BPNT2: variants seen among roughly 807,000 people sequenced by gnomAD.
BPNT2 encodes 3'(2'), 5'-bisphosphate nucleotidase 2.
A neutral mutation model predicts 29.3 loss-of-function variants in BPNT2; 11 were observed. The ratio of observed to expected loss-of-function variants is 0.38; its 90% CI spans 0.24 to 0.62. The LOEUF is 0.62. BPNT2 is among the 20% of genes least tolerant of loss of function. The pLI, the probability that BPNT2 is intolerant of heterozygous loss-of-function variation, is 0.62. For missense variants in BPNT2, 459 were observed against 473.4 expected (o/e 0.97, Z 0.28); for synonymous variants, 195 against 187.7 (o/e 1.04, Z -0.32).
chr8:56,960,464 G>C lies in BPNT2; in HGVS notation c.*3329C>G, dbSNP rs1449398536. 2.0e-5 allele frequency: 3 copies of C among 152,032 alleles called. No individual in the cohort carries two copies. Among genetic ancestry groups the C allele is most frequent in the Non-Finnish European group, 4.4e-5 (3 of 68,010 alleles). The allele number at this position is 152,032 out of a possible 1,614,324, so 9.4% of individuals were successfully genotyped here. On this transcript the variant is annotated 3_prime_UTR_variant, in exon 5 of 5. Transcript: ENST00000262644. Reference sequence around the variant, plus strand: ...CAAAGGGAGCACCTAACAAACAAGAGGAATTTGCACAACTGTTACTTAAAA... The same window carrying C: ...CAAAGGGAGCACCTAACAAACAAGACGAATTTGCACAACTGTTACTTAAAA...
chr8:56,993,048 T>G (rs1806444740), intron 1 of BPNT2, 151 bp downstream of exon 1: 7 of 1,490,876 alleles, frequency 4.7e-6, no homozygotes, highest in Non-Finnish European at 6.3e-6. Flanking sequence ...GCTCCTCTGC[T>G]GTCTGTCTGA....
intron 3 of BPNT2, among the ~76,000 whole-genome samples, chr8:56,976,452 A>G (rs963512736): frequency 2.6e-5 from 4 of 152,244 alleles, no homozygotes; most frequent in Non-Finnish European, 5.9e-5. Flanking sequence ...AAGGTAATCC[A>G]TAAGCCATAA....
At chr8:56,970,369 G>A (rs1315167074) in intron 3 of BPNT2, among the ~76,000 whole-genome samples, 1 of 152,074 alleles carries the variant, frequency 6.6e-6, no homozygotes, top group South Asian at 2.1e-4. Flanking sequence ...TTTATAAGAG[G>A]ATATAAAAAT....
At position 56,966,449 on chromosome 8, in the gene BPNT2, T is replaced by C. The variant is rs376051298; in HGVS notation, c.647-97A>G. On this transcript the variant is annotated intron_variant, in intron 3 of 4. Transcript: ENST00000262644. ...AAAGTGCTATGTATGACTGACAAAA[T>C]AGCTCTCTTCTAAAAAATTATTTGT... 63 of 1,029,298 alleles carry C rather than the reference T, an allele frequency of 6.1e-5. 1 individual carries two copies. The East Asian group carries it at 9.8e-4, about 16-fold the overall frequency. 63.8% of individuals were successfully genotyped at this position (1,029,298 alleles called of 1,614,324 possible).
intron 1 of BPNT2, among the ~76,000 whole-genome samples, chr8:56,992,285 A>ACTC (rs1431149569): frequency 6.6e-6 from 1 of 152,178 alleles, no homozygotes; most frequent in Non-Finnish European, 1.5e-5. Flanking sequence ...CAGTAGCCAA[A>ACTC]ACTACAGTTA....
rs963032684 is a variant in BPNT2 at position 56,960,972 on chromosome 8, G to A, written c.*2821C>T. The A allele has an allele frequency of 6.6e-6, 1 of 152,112 alleles. No homozygotes were observed. The highest frequency in any genetic ancestry group is 1.5e-5 in the Non-Finnish European group (1 of 68,026). 9.4% of individuals were successfully genotyped at this position (152,112 alleles called of 1,614,324 possible). Reference sequence around the variant, plus strand: ...TATCTAAAAGAATTTGGGAGTGAGAGTTGTGAGGGAAGTATCCTGGCTAAG... The same window carrying A: ...TATCTAAAAGAATTTGGGAGTGAGAATTGTGAGGGAAGTATCCTGGCTAAG... On this transcript the variant is annotated 3_prime_UTR_variant, in exon 5 of 5. Transcript: ENST00000262644.
In BPNT2 at chr8:56,993,460, G is replaced by A; in HGVS notation, c.126C>T (p.Gly42=). 6.7e-7 allele frequency: 1 copy of A among 1,487,552 alleles called. No individual in the cohort carries two copies. 92.1% of individuals were successfully genotyped at this position (1,487,552 alleles called of 1,614,324 possible). ...LAGRFSLFGL[G]GEPGGGAAGP... The stretch of plus-strand genomic sequence containing the variant: ...CCGCCGCGCCGCCGCCAGGCTCGCC[G>A]CCCAGGCCGAAGAGGCTGAAGCGGC... The change falls in exon 1 of 5, where the codon GGC becomes GGT. Residue 42 remains glycine (G), a synonymous_variant. Transcript: ENST00000262644.
intron 3 of BPNT2, among the ~76,000 whole-genome samples, chr8:56,974,334 T>C (rs1281943450): frequency 6.6e-6 from 1 of 152,216 alleles, no homozygotes; most frequent in African/African-American, 2.4e-5. Flanking sequence ...CTTATACATT[T>C]ATATATTACT....
chr8:56,991,640 T>A (rs551619008), intron 1 of BPNT2, among the ~76,000 whole-genome samples: 1 of 152,216 alleles, frequency 6.6e-6, no homozygotes, highest in African/African-American at 2.4e-5. Context: ...GTTTGTATAG[T>A]AGGCAGAAAT....
At position 56,984,777 on chromosome 8, in the gene BPNT2, A is replaced by G. The variant is rs144322523; in HGVS notation, c.388-4580T>C. Among the ~76,000 whole-genome samples the G allele has an allele frequency of 7.0e-4, 107 of 152,134 alleles. 1 individual carries two copies. The highest frequency in any genetic ancestry group is 2.4e-3 in the African/African-American group (100 of 41,556). ...GCTTAAAACCTTCCAATGGTTTCTC[A>G]TTATGCAGAGATAAAATCCAGACTC... On this transcript the variant is annotated intron_variant, in intron 1 of 4. Coordinates refer to ENST00000262644, the MANE Select transcript of BPNT2 (RefSeq NM_017813.5).
In BPNT2 at chr8:56,986,835, C is replaced by T. The variant is rs559225066; in HGVS notation, c.387+6364G>A. 3.9e-5 allele frequency among the ~76,000 whole-genome samples: 6 copies of T among 152,230 alleles called. No homozygotes were observed. In the South Asian group the frequency reaches 1.2e-3, roughly 32 times the overall value. On this transcript the variant is annotated intron_variant, in intron 1 of 4. Transcript: ENST00000262644. Reference sequence around the variant, plus strand: ...GGGTACTACAAGTATAGTTTCTTTACAATGAATGGTGCATATCATTCTTGC... The same window carrying T: ...GGGTACTACAAGTATAGTTTCTTTATAATGAATGGTGCATATCATTCTTGC...
intron 3 of BPNT2, among the ~76,000 whole-genome samples, chr8:56,973,465 T>G (rs1348980007): frequency 6.6e-6 from 1 of 152,140 alleles, no homozygotes; most frequent in Non-Finnish European, 1.5e-5. Flanking sequence ...CCCAAAATAA[T>G]AAGTTCCTGC....
chr8:56,980,320 C>T, intron 1 of BPNT2, 123 bp from the exon 2 acceptor site: 2 of 768,696 alleles, frequency 2.6e-6, no homozygotes, highest in Non-Finnish European at 4.3e-6. Context: ...ATTTTTATTT[C>T]TTTTGATGCT....
rs1585563601 is a variant in BPNT2, at chr8:56,980,083, T to C, written c.502A>G (p.Ser168Gly). 2.5e-6 allele frequency: 4 copies of C among 1,613,894 alleles called. No individual in the cohort carries two copies. In the East Asian group the frequency reaches 6.7e-5, roughly 27 times the overall value. ...AGTGGGTCAATCCAGACAGTAACAC[T>C]TTCTGCTGGTACCTCTTTAGGAGTA... Reference protein sequence around the residue: ...VTTPKEVPAESVTVWIDPLDA... With the variant: ...VTTPKEVPAEGVTVWIDPLDA... Residue 168 changes from serine (S) to glycine (G), a missense_variant, in exon 2 of 5, where the codon AGT becomes GGT. Physicochemically the swap from Ser to Gly is moderately conservative, Grantham distance 56. Coordinates refer to ENST00000262644, the MANE Select transcript of BPNT2 (RefSeq NM_017813.5).
intron 3 of BPNT2, among the ~76,000 whole-genome samples, chr8:56,969,413 C>T (rs1805997813): frequency 6.6e-6 from 1 of 152,124 alleles, no homozygotes; most frequent in Non-Finnish European, 1.5e-5. Flanking sequence ...TTAGCAAATG[C>T]ATTGTCGGTT....
At chr8:56,984,960 G>A (rs939657786) in intron 1 of BPNT2, among the ~76,000 whole-genome samples, 1 of 151,658 alleles carries the variant, frequency 6.6e-6, no homozygotes, top group Non-Finnish European at 1.5e-5. Flanking sequence ...TGTACTTACT[G>A]TATTCTTCTG....
chr8:56,984,957 A>C (rs1329531302), intron 1 of BPNT2, among the ~76,000 whole-genome samples: 1 of 151,526 alleles, frequency 6.6e-6, no homozygotes, highest in Non-Finnish European at 1.5e-5. Flanking sequence ...CTTTGTACTT[A>C]CTGTATTCTT....
chr8:56,959,703 T>A lies in BPNT2; in HGVS notation c.*4090A>T, dbSNP rs758626797. 6.6e-6 allele frequency: 1 copy of A among 152,170 alleles called. No homozygotes were observed. Among genetic ancestry groups the A allele is most frequent in the Non-Finnish European group, 1.5e-5 (1 of 68,022 alleles). 9.4% of individuals were successfully genotyped at this position (152,170 alleles called of 1,614,324 possible). A position where few individuals can be genotyped will look rare whatever the true frequency, so the allele number is the denominator to read the frequency against. ...TATTTCAGACCTATATACATCAAGATGCCAGTTCTTATAAAAAACATACTT... is the reference window on the plus strand; with the variant it reads ...TATTTCAGACCTATATACATCAAGAAGCCAGTTCTTATAAAAAACATACTT... On this transcript the variant is annotated 3_prime_UTR_variant, in exon 5 of 5. Coordinates refer to ENST00000262644, the MANE Select transcript of BPNT2 (RefSeq NM_017813.5).
chr8:56,967,995 T>C (rs1374853609), intron 3 of BPNT2, among the ~76,000 whole-genome samples: 1 of 152,088 alleles, frequency 6.6e-6, no homozygotes, highest in Non-Finnish European at 1.5e-5. Context: ...AACTGCAATG[T>C]CCACTGAAAA....
Sources: gnomAD v4.1 joint callset for allele counts (sites outside exome capture counted in the v4.1 genomes callset) on GRCh38, gnomAD v4.1.1 for gene constraint, MANE v1.5 for transcripts, NCBI Gene and HGNC (gene_info 2026-07-23, HGNC 2026-07-21) for gene names.